Variants in EVI5 observed in about 807,000 individuals in gnomAD.
EVI5 encodes the protein ecotropic viral integration site 5, also known as ecotropic viral integration site 5 protein homolog.
EVI5 carries 73 observed loss-of-function variants against 112.0 expected under a neutral mutation model. That is an observed-to-expected ratio of 0.65 (90% confidence interval 0.54 to 0.79). EVI5 has a LOEUF of 0.79. Ranked by LOEUF, EVI5 falls within the 30% of genes least tolerant of loss-of-function variation. The pLI, the probability that EVI5 is intolerant of heterozygous loss-of-function variation, is 0.00. For synonymous variants in EVI5, 305 were observed against 319.9 expected (o/e 0.95, Z 0.50); for missense variants, 900 against 968.8 (o/e 0.93, Z 0.94).
At chr1:92,690,189 G>A (rs1669255624) in intron 9 of EVI5, among the ~76,000 whole-genome samples, 1 of 152,018 alleles carries the variant, frequency 6.6e-6, no homozygotes, top group Non-Finnish European at 1.5e-5. Context: ...AAATAATGAA[G>A]TGTTTATATG....
chr1:92,514,299 G>A (rs1022324553), intron 19 of EVI5, among the ~76,000 whole-genome samples: 3 of 152,078 alleles, frequency 2.0e-5, no homozygotes, highest in East Asian at 1.9e-4. Context: ...GACTACAGGC[G>A]TGTGTCACCA....
intron 19 of EVI5, among the ~76,000 whole-genome samples, chr1:92,530,807 G>A (rs1302967245): frequency 2.0e-5 from 3 of 152,012 alleles, no homozygotes; most frequent in African/African-American, 7.2e-5. Flanking sequence ...ACCAAAGGTA[G>A]ATAAATCCAC....
chr1:92,739,827 A>G (rs1222471815), intron 1 of EVI5, among the ~76,000 whole-genome samples: 3 of 152,144 alleles, frequency 2.0e-5, no homozygotes, highest in Admixed American at 6.6e-5. Context: ...CATACTGTGA[A>G]ACTGAATCAC....
chr1:92,783,808 C>CAAAAAAAAAAAAAAA (rs58484805), intron 1 of EVI5, among the ~76,000 whole-genome samples: 3 of 94,240 alleles, frequency 3.2e-5, no homozygotes, highest in South Asian at 3.8e-4. Flanking sequence ...GACTCCCTGT[C>CAAAAAAAAAAAAAAA]AAAAAAAAAA....
intron 13 of EVI5, among the ~76,000 whole-genome samples, chr1:92,637,381 G>GAA (rs758351385): frequency 4.4e-5 from 4 of 90,686 alleles, no homozygotes; most frequent in East Asian, 2.7e-4. Flanking sequence ...CTTGTCTCAA[G>GAA]AAAAAAAAAA....
chr1:92,705,172 A>C (rs377586667), intron 2 of EVI5, among the ~76,000 whole-genome samples: 1 of 152,216 alleles, frequency 6.6e-6, no homozygotes, highest in African/African-American at 2.4e-5. Context: ...CAGAGCCCCC[A>C]AAATTAACCA....
At chr1:92,625,956 T>C (rs777716932) in intron 14 of EVI5, 22 bp from the exon 15 acceptor site, 3 of 1,520,596 alleles carry the variant, frequency 2.0e-6, no homozygotes, top group African/African-American at 1.4e-5. Context: ...GAAAATTTAA[T>C]TTGGGATTTT....
At chr1:92,761,704 C>G (rs1681907454) in intron 1 of EVI5, among the ~76,000 whole-genome samples, 1 of 152,098 alleles carries the variant, frequency 6.6e-6, no homozygotes, top group African/African-American at 2.4e-5. Context: ...CTCCTGGGCT[C>G]TAGTAATGCT....
chr1:92,561,749 T>C (rs1378830002), intron 19 of EVI5, among the ~76,000 whole-genome samples: 1 of 152,014 alleles, frequency 6.6e-6, no homozygotes, highest in South Asian at 2.1e-4. Flanking sequence ...GCGATTCTCC[T>C]GCCCCAGCCT....
rs527877285 is a variant in EVI5 at position 92,583,477 on chromosome 1, C to T, written c.2071-19740G>A. On this transcript the variant is annotated intron_variant, in intron 18 of 19. Transcript: ENST00000684568. ...GGTAAGCCGAGATCACGCTACTGTGCTCCAGCCTGGGCGACAGAGTGAGGC... is the reference window on the plus strand; with the variant it reads ...GGTAAGCCGAGATCACGCTACTGTGTTCCAGCCTGGGCGACAGAGTGAGGC... Among the ~76,000 whole-genome samples, 10 of 127,820 alleles carry T rather than the reference C, an allele frequency of 7.8e-5. No homozygotes were observed. The South Asian group carries it at 2.0e-3, about 25-fold the overall frequency. The allele number at this position is 127,820 out of a possible 152,430, so 83.9% of individuals were successfully genotyped here.
intron 2 of EVI5, among the ~76,000 whole-genome samples, chr1:92,730,589 G>A (rs1224944503): frequency 6.7e-6 from 1 of 150,032 alleles, no homozygotes; most frequent in African/African-American, 2.5e-5. Flanking sequence ...GGCTGAGGTG[G>A]AAGGATCACT....
intron 19 of EVI5, among the ~76,000 whole-genome samples, chr1:92,549,109 T>C (rs1314057666): frequency 1.3e-5 from 2 of 152,204 alleles, no homozygotes; most frequent in Admixed American, 1.3e-4. Context: ...ACTACAAGGC[T>C]ACAGTAACCA....
chr1:92,535,622 G>T (rs1663750597), intron 19 of EVI5, among the ~76,000 whole-genome samples: 1 of 152,144 alleles, frequency 6.6e-6, no homozygotes, highest in South Asian at 2.1e-4. Flanking sequence ...TATGGATGGA[G>T]TTGGAAACCA....
chr1:92,514,486 C>T (rs1309776002), intron 19 of EVI5, among the ~76,000 whole-genome samples: 2 of 151,992 alleles, frequency 1.3e-5, no homozygotes, highest in Non-Finnish European at 2.9e-5. Context: ...TAATAACAAC[C>T]GTCCTATGTG....
intron 3 of EVI5, among the ~76,000 whole-genome samples, chr1:92,704,155 A>G (rs1242125777): frequency 6.6e-6 from 1 of 151,984 alleles, no homozygotes; most frequent in Non-Finnish European, 1.5e-5. Flanking sequence ...ACAAAAAGGA[A>G]AATAAAAAAT....
intron 18 of EVI5, among the ~76,000 whole-genome samples, chr1:92,577,418 TC>T (rs1671248503): frequency 6.6e-6 from 1 of 152,194 alleles, no homozygotes; most frequent in Non-Finnish European, 1.5e-5. Context: ...AGGGCAGAAG[TC>T]CAGGAAATCC....
At chr1:92,735,732 TATA>T (rs1308202251) in intron 2 of EVI5, among the ~76,000 whole-genome samples, 3 of 143,058 alleles carry the variant, frequency 2.1e-5, no homozygotes, top group Non-Finnish European at 4.6e-5. Flanking sequence ...TATAATATAA[TATA>T]ATATAATCAT....
chr1:92,756,657 C>T, intron 1 of EVI5: 1 of 503,874 alleles, frequency 2.0e-6, no homozygotes, highest in Non-Finnish European at 4.1e-6. Context: ...AGCCAGTTCA[C>T]TTTCAGCAAC....
intron 2 of EVI5, among the ~76,000 whole-genome samples, chr1:92,709,518 A>T (rs1209207073): frequency 6.6e-6 from 1 of 152,202 alleles, no homozygotes; most frequent in Admixed American, 6.5e-5. Context: ...TTTTATAAAT[A>T]AAGGAAGATA....
Sources: gnomAD v4.1 joint callset for allele counts (sites outside exome capture counted in the v4.1 genomes callset) on GRCh38, gnomAD v4.1.1 for gene constraint, MANE v1.5 for transcripts, NCBI Gene and HGNC (gene_info 2026-07-23, HGNC 2026-07-21) for gene names.